The following GRIK4 variants were observed in gnomAD, a reference collection of about 807,000 sequenced individuals.
The protein encoded by GRIK4 is glutamate receptor ionotropic, kainate 4.
A neutral mutation model predicts 104.9 loss-of-function variants in GRIK4; 40 were observed. That is an observed-to-expected ratio of 0.38 (90% CI 0.30 to 0.50). The LOEUF (loss-of-function observed/expected upper bound fraction) is 0.50, where lower values mean the gene tolerates loss of function less well. GRIK4 is among the 20% of genes least tolerant of loss of function. The pLI is 0.93. For missense variants in GRIK4, 1,047 were observed against 1,308.1 expected, an observed-to-expected ratio of 0.80 and a Z score of 3.08; for synonymous variants, 485 against 524.9, an observed-to-expected ratio of 0.92 and a Z score of 1.04.
intron 19 of GRIK4, among the ~76,000 whole-genome samples, chr11:120,981,198 T>C (rs1944646236): frequency 6.6e-6 from 1 of 152,146 alleles, no homozygotes; most frequent in Non-Finnish European, 1.5e-5. Flanking sequence ...ATGCCAAAAA[T>C]AAAAAGCATT....
chr11:120,867,550 T>G (rs1197807105), intron 9 of GRIK4, among the ~76,000 whole-genome samples: 1 of 151,838 alleles, frequency 6.6e-6, no homozygotes, highest in Non-Finnish European at 1.5e-5. Context: ...TTCTCTCCAT[T>G]GCCTTTTTCT....
chr11:120,532,685 C>T (rs1947935239), intron 1 of GRIK4, among the ~76,000 whole-genome samples: 1 of 152,212 alleles, frequency 6.6e-6, no homozygotes, highest in Admixed American at 6.5e-5. Flanking sequence ...CTGGCACTGG[C>T]CTTGGCCTTC....
chr11:120,813,506 C>T (rs1952870530), intron 4 of GRIK4, among the ~76,000 whole-genome samples: 1 of 152,280 alleles, frequency 6.6e-6, no homozygotes, highest in South Asian at 2.1e-4. Flanking sequence ...TGGCCAGACA[C>T]TTAGTACTGA....
intron 14 of GRIK4, among the ~76,000 whole-genome samples, chr11:120,945,340 T>G (rs1284471944): frequency 6.6e-6 from 1 of 152,204 alleles, no homozygotes; most frequent in African/African-American, 2.4e-5. Context: ...TGCATTACAT[T>G]ATTCTTTGTT....
At chr11:120,661,940 C>G (rs374250659) in intron 3 of GRIK4, among the ~76,000 whole-genome samples, 2 of 152,378 alleles carry the variant, frequency 1.3e-5, no homozygotes. Context: ...CAAAACGGTT[C>G]ATATCCTTAA....
At chr11:120,535,512 A>C (rs1274949432) in intron 1 of GRIK4, among the ~76,000 whole-genome samples, 21 of 152,038 alleles carry the variant, frequency 1.4e-4, no homozygotes, top group Admixed American at 1.4e-3. Context: ...CTGTCCAGGC[A>C]CCACACTTGT....
chr11:120,652,504 G>T (rs1441041223), intron 1 of GRIK4, among the ~76,000 whole-genome samples: 1 of 152,172 alleles, frequency 6.6e-6, no homozygotes, highest in Admixed American at 6.5e-5. Context: ...CCCCTGTCAT[G>T]GCCACCCCCT....
chr11:120,922,368 G>T (rs1002286053), intron 13 of GRIK4, among the ~76,000 whole-genome samples: 1 of 152,122 alleles, frequency 6.6e-6, no homozygotes, highest in South Asian at 2.1e-4. Context: ...GCCACCTCTC[G>T]CTTATAGGGT....
chr11:120,534,694 C>T (rs1413398010), intron 1 of GRIK4, among the ~76,000 whole-genome samples: 1 of 152,140 alleles, frequency 6.6e-6, no homozygotes, highest in Admixed American at 6.5e-5. Context: ...CATTGGTGCT[C>T]TTCCTGGGTG....
intron 8 of GRIK4, among the ~76,000 whole-genome samples, chr11:120,847,567 A>G (rs1052869682): frequency 2.6e-5 from 4 of 152,334 alleles, no homozygotes; most frequent in South Asian, 2.1e-4. Context: ...GGATACACAC[A>G]GTTAATGGCT....
At chr11:120,596,566 CTA>C (rs1181359039) in intron 1 of GRIK4, among the ~76,000 whole-genome samples, 1 of 152,042 alleles carries the variant, frequency 6.6e-6, no homozygotes, top group African/African-American at 2.4e-5. Context: ...GCCTTTATGT[CTA>C]TGTGTCTACG....
intron 1 of GRIK4, among the ~76,000 whole-genome samples, chr11:120,650,322 C>G (rs1565272825): frequency 1.3e-5 from 2 of 152,196 alleles, no homozygotes; most frequent in Non-Finnish European, 2.9e-5. Context: ...GATGCCACAG[C>G]TAATGAGGGA....
chr11:120,535,627 G>A (rs1012311086), intron 1 of GRIK4, among the ~76,000 whole-genome samples: 4 of 152,150 alleles, frequency 2.6e-5, no homozygotes, highest in Non-Finnish European at 2.9e-5. Flanking sequence ...CGGGATCCCG[G>A]TTCTACATCC....
chr11:120,774,039 G>T (rs1001074880), intron 3 of GRIK4, among the ~76,000 whole-genome samples: 7 of 152,194 alleles, frequency 4.6e-5, no homozygotes, highest in Non-Finnish European at 1.0e-4. Flanking sequence ...CCCTGCAAAT[G>T]AGTCAGCAGA....
intron 3 of GRIK4, among the ~76,000 whole-genome samples, chr11:120,783,320 AT>A (rs1350679952): frequency 6.6e-6 from 1 of 151,922 alleles, no homozygotes; most frequent in South Asian, 2.1e-4. Flanking sequence ...GTCTTTCTCT[AT>A]TTTCTGCTTG....
intron 3 of GRIK4, among the ~76,000 whole-genome samples, chr11:120,792,236 G>A (rs868162525): frequency 1.3e-5 from 2 of 149,114 alleles, no homozygotes; most frequent in Non-Finnish European, 3.0e-5. Flanking sequence ...CAGCAGCACC[G>A]TGTGTGTGTG....
chr11:120,766,391 A>G (rs1200417096), intron 3 of GRIK4, among the ~76,000 whole-genome samples: 2 of 152,194 alleles, frequency 1.3e-5, no homozygotes, highest in African/African-American at 2.4e-5. Flanking sequence ...TGCTGGGCTC[A>G]GTGAGGGTGG....
chr11:120,978,280 GTAT>G (rs1944594563), intron 19 of GRIK4, among the ~76,000 whole-genome samples: 1 of 152,148 alleles, frequency 6.6e-6, no homozygotes, highest in South Asian at 2.1e-4. Context: ...GATAAACAAG[GTAT>G]TATTAGTAAA....
In GRIK4 at chr11:120,643,146, A is replaced by G. The variant is rs139979562; in HGVS notation, c.-158-10539A>G. On this transcript the variant is annotated intron_variant, in intron 1 of 20. Transcript: ENST00000527524. ...GCTCTCTAGGAGCTCGCTACTCTTT[A>G]GCAAGCGTATAGAGGGGAAACTCAT... Among the ~76,000 whole-genome samples, 392 of 152,356 alleles carry G rather than the reference A, an allele frequency of 2.6e-3. 3 individuals are homozygous for G. Among genetic ancestry groups the G allele is most frequent in the Non-Finnish European group, 1.5e-3 (103 of 68,032 alleles).
Sources: gnomAD v4.1 joint callset for allele counts (sites outside exome capture counted in the v4.1 genomes callset) on GRCh38, gnomAD v4.1.1 for gene constraint, MANE v1.5 for transcripts, NCBI Gene and HGNC (gene_info 2026-07-23, HGNC 2026-07-21) for gene names.